Variants in SGK3 observed in about 807,000 individuals in gnomAD.
The protein encoded by SGK3 is serum/glucocorticoid regulated kinase family member 3, also known as serine/threonine-protein kinase Sgk3.
In SGK3, 47 loss-of-function variants were observed where a neutral mutation model predicts 68.5. The ratio of observed to expected loss-of-function variants is 0.69; its 90% CI spans 0.54 to 0.87. SGK3 has a LOEUF of 0.87. Among genes scored for constraint, SGK3 ranks in the 40% least tolerant of loss-of-function variants. The pLI is 0.00. For missense variants in SGK3, 479 were observed against 575.5 expected (o/e 0.83, Z 1.72); for synonymous variants, 181 against 189.1 (o/e 0.96, Z 0.35).
intron 2 of SGK3, among the ~76,000 whole-genome samples, chr8:66,795,729 C>T (rs2130580354): frequency 6.6e-6 from 1 of 152,232 alleles, no homozygotes; most frequent in African/African-American, 2.4e-5. Context: ...ATCTAAATCA[C>T]CTTATTCGTT....
intron 1 of SGK3, among the ~76,000 whole-genome samples, chr8:66,783,671 T>C (rs1325210694): frequency 6.6e-6 from 1 of 152,022 alleles, no homozygotes; most frequent in Admixed American, 6.6e-5. Context: ...GTGCATACCA[T>C]CATGCTTTGC....
In SGK3 at chr8:66,790,154, A is replaced by G. The variant is rs141355455; in HGVS notation, c.-121-3462A>G. 3.8e-3 allele frequency among the ~76,000 whole-genome samples: 576 copies of G among 152,198 alleles called. 4 individuals carry two copies. The highest frequency in any genetic ancestry group is 0.013 in the African/African-American group (529 of 41,532). ...TAAGATCCTTTGAATATATTCCTAT[A>G]TGTGCTCTCCACACTCCCACTGGTA... On this transcript the variant is annotated intron_variant, in intron 1 of 16. Coordinates refer to ENST00000521198, the MANE Select transcript of SGK3 (RefSeq NM_001033578.3).
At chr8:66,714,403 G>A (rs1421567065) in intron 1 of SGK3, among the ~76,000 whole-genome samples, 1 of 151,104 alleles carries the variant, frequency 6.6e-6, no homozygotes, top group East Asian at 1.9e-4. Context: ...ACCCAATGTG[G>A]TGACTAAGAT....
At chr8:66,767,453 T>C (rs772410071) in intron 1 of SGK3, 8 of 1,415,780 alleles carry the variant, frequency 5.7e-6, no homozygotes, top group Middle Eastern at 1.8e-4. Context: ...GTCAACAGAA[T>C]GCTTAAAGGA....
intron 1 of SGK3, chr8:66,737,536 G>A (rs975875552): frequency 2.6e-5 from 4 of 151,998 alleles, no homozygotes; most frequent in African/African-American, 7.3e-5. Flanking sequence ...GAATGATTAA[G>A]GCTACTCTTC....
intron 1 of SGK3, among the ~76,000 whole-genome samples, chr8:66,755,225 C>T (rs553280212): frequency 6.6e-6 from 1 of 150,664 alleles, no homozygotes; most frequent in Non-Finnish European, 1.5e-5. Context: ...CACCACTGCA[C>T]TCCAGTCCGG....
At chr8:66,766,532 A>G (rs565602805) in intron 1 of SGK3, among the ~76,000 whole-genome samples, 26 of 152,250 alleles carry the variant, frequency 1.7e-4, no homozygotes, top group African/African-American at 5.8e-4. Flanking sequence ...AAATATAAAT[A>G]AATAAATAAA....
intron 1 of SGK3, among the ~76,000 whole-genome samples, chr8:66,723,410 C>A (rs1381182919): frequency 6.6e-6 from 1 of 151,478 alleles, no homozygotes; most frequent in African/African-American, 2.4e-5. Flanking sequence ...CGCCATTGCA[C>A]TCCAGCCTGG....
At chr8:66,778,597 T>C (rs1806821554) in intron 1 of SGK3, among the ~76,000 whole-genome samples, 1 of 152,238 alleles carries the variant, frequency 6.6e-6, no homozygotes, top group South Asian at 2.1e-4. Context: ...GCCCAGCCAC[T>C]TAACTGTTTT....
chr8:66,833,747 G>A (rs549926048), intron 8 of SGK3, among the ~76,000 whole-genome samples: 12 of 152,212 alleles, frequency 7.9e-5, no homozygotes, highest in East Asian at 1.9e-4. Context: ...GCTGGAGTGC[G>A]GTGGCGCAAT....
chr8:66,836,311 C>T (rs1368382977), intron 10 of SGK3, among the ~76,000 whole-genome samples: 2 of 152,092 alleles, frequency 1.3e-5, no homozygotes, highest in Admixed American at 1.3e-4. Context: ...GCTTCATGGA[C>T]AGGTTTGTCA....
chr8:66,811,710 A>G (rs1237392390), intron 4 of SGK3, among the ~76,000 whole-genome samples: 1 of 152,252 alleles, frequency 6.6e-6, no homozygotes, highest in Non-Finnish European at 1.5e-5. Context: ...CTTCAAAAGT[A>G]AAATATATCT....
intron 1 of SGK3, among the ~76,000 whole-genome samples, chr8:66,714,915 C>G (rs1804589514): frequency 6.6e-6 from 1 of 152,154 alleles, no homozygotes; most frequent in Admixed American, 6.5e-5. Context: ...CACGTGCAGG[C>G]CTGTAATAAA....
chr8:66,797,344 C>A (rs575756114), intron 2 of SGK3, among the ~76,000 whole-genome samples: 1 of 152,186 alleles, frequency 6.6e-6, no homozygotes, highest in Non-Finnish European at 1.5e-5. Context: ...TATTCAGCGT[C>A]GCTGGCACCT....
At chr8:66,797,289 C>G (rs1453181877) in intron 2 of SGK3, among the ~76,000 whole-genome samples, 1 of 152,174 alleles carries the variant, frequency 6.6e-6, no homozygotes, top group East Asian at 1.9e-4. Flanking sequence ...TGCTTCTAGG[C>G]TTGTCTGATC....
At position 66,830,497 on chromosome 8, in the gene SGK3, C is replaced by T. The variant is rs146866894; in HGVS notation, c.468-757C>T. Among the ~76,000 whole-genome samples the T allele has an allele frequency of 5.5e-3, 838 of 152,316 alleles. 12 individuals carry two copies. Among genetic ancestry groups the T allele is most frequent in the African/African-American group, 0.018 (754 of 41,584 alleles). On this transcript the variant is annotated intron_variant, in intron 7 of 16. Coordinates refer to ENST00000521198, the MANE Select transcript of SGK3 (RefSeq NM_001033578.3). ...CAAATCTAAATGGATTTATTCCCCT[C>T]TTCCCATACAACTTATGAATTCAGA...
At chr8:66,747,463 C>T (rs1387127800) in intron 1 of SGK3, among the ~76,000 whole-genome samples, 6 of 152,158 alleles carry the variant, frequency 3.9e-5, no homozygotes, top group Non-Finnish European at 1.5e-5. Flanking sequence ...CAGGGCTAGA[C>T]TTGCAGGAGA....
chr8:66,761,145 G>T (rs1806153302), intron 1 of SGK3, among the ~76,000 whole-genome samples: 1 of 151,644 alleles, frequency 6.6e-6, no homozygotes, highest in Admixed American at 6.6e-5. Flanking sequence ...TTACTCTGTT[G>T]CCCAGGCTGG....
intron 1 of SGK3, among the ~76,000 whole-genome samples, chr8:66,765,947 C>A (rs1049207096): frequency 2.6e-5 from 4 of 151,636 alleles, no homozygotes; most frequent in Non-Finnish European, 5.9e-5. Flanking sequence ...ATGGCATGAA[C>A]CTGGGAGGCA....
Sources: gnomAD v4.1 joint callset for allele counts (sites outside exome capture counted in the v4.1 genomes callset) on GRCh38, gnomAD v4.1.1 for gene constraint, MANE v1.5 for transcripts, NCBI Gene and HGNC (gene_info 2026-07-23, HGNC 2026-07-21) for gene names.